Variants in IMMP2L observed in about 807,000 individuals in gnomAD.
IMMP2L encodes the protein mitochondrial inner membrane protease subunit 2.
Under a neutral mutation model 19.3 loss-of-function variants are expected in IMMP2L, and 18 were observed. The observed-to-expected ratio is 0.93, with a 90% CI of 0.64 to 1.38. The LOEUF (loss-of-function observed/expected upper bound fraction) is 1.38. Among genes scored for constraint, IMMP2L ranks in the 40% most tolerant of loss-of-function variants. The pLI is 0.00. For missense variants in IMMP2L, 233 were observed against 218.2 expected (o/e 1.07, Z -0.43); for synonymous variants, 76 against 73.0 (o/e 1.04, Z -0.21).
intron 3 of IMMP2L, among the ~76,000 whole-genome samples, chr7:111,162,699 G>T (rs1805398248): frequency 6.7e-6 from 1 of 150,132 alleles, no homozygotes; most frequent in African/African-American, 2.4e-5. Flanking sequence ...TTTCCAGCTA[G>T]AAGGTATGCT....
intron 3 of IMMP2L, among the ~76,000 whole-genome samples, chr7:111,448,735 ACAAAAAACCCTT>A (rs1360361848): frequency 1.8e-5 from 2 of 111,746 alleles, no homozygotes; most frequent in Non-Finnish European, 3.7e-5. Flanking sequence ...AAATAGAGAC[ACAAAAAACCCTT>A]CAAAAAATCA....
intron 3 of IMMP2L, among the ~76,000 whole-genome samples, chr7:111,322,231 G>C (rs1165622484): frequency 6.6e-6 from 1 of 151,796 alleles, no homozygotes; most frequent in African/African-American, 2.4e-5. Context: ...TGAATAAAAG[G>C]CTGGCCCCCA....
At chr7:111,517,893 T>C (rs957286797) in intron 2 of IMMP2L, among the ~76,000 whole-genome samples, 1 of 152,084 alleles carries the variant, frequency 6.6e-6, no homozygotes, top group Non-Finnish European at 1.5e-5. Context: ...AACCAACAAT[T>C]TGTGCCAGCA....
At chr7:110,765,918 G>A (rs896635701) in intron 5 of IMMP2L, among the ~76,000 whole-genome samples, 6 of 152,112 alleles carry the variant, frequency 3.9e-5, no homozygotes, top group Admixed American at 1.3e-4. Context: ...AGCTGTGTAA[G>A]TTTTGAGTGG....
chr7:111,154,733 T>G (rs1003470195), intron 3 of IMMP2L, among the ~76,000 whole-genome samples: 14 of 152,222 alleles, frequency 9.2e-5, no homozygotes, highest in African/African-American at 3.4e-4. Flanking sequence ...CATTGTACAT[T>G]AGTTCGGTTT....
chr7:111,059,431 A>G (rs1793809945), intron 3 of IMMP2L, among the ~76,000 whole-genome samples: 1 of 152,270 alleles, frequency 6.6e-6, no homozygotes, highest in Admixed American at 6.5e-5. Flanking sequence ...ACCTTTTCTG[A>G]TTGTTCTAGG....
rs189852289 is a variant in IMMP2L, at chr7:111,198,633, A to G, written c.240-235068T>C. Among the ~76,000 whole-genome samples, 156 of 152,326 alleles carry G rather than the reference A, an allele frequency of 1.0e-3. 1 individual carries two copies. The highest frequency in any genetic ancestry group is 3.5e-3 in the African/African-American group (147 of 41,568). On this transcript the variant is annotated intron_variant, in intron 3 of 5. Coordinates refer to ENST00000405709, the MANE Select transcript of IMMP2L (RefSeq NM_032549.4). The stretch of plus-strand genomic sequence containing the variant: ...TTCTGCTTTGATTCATGCTACTTCT[A>G]CAAATGATGCCTTTTTCCACCATAA...
chr7:110,807,512 G>A (rs558348565), intron 5 of IMMP2L, among the ~76,000 whole-genome samples: 33 of 151,892 alleles, frequency 2.2e-4, no homozygotes, highest in African/African-American at 7.7e-4. Flanking sequence ...CAAACACAAA[G>A]TCTAATTTTA....
intron 4 of IMMP2L, among the ~76,000 whole-genome samples, chr7:110,956,848 T>G (rs1434983585): frequency 6.6e-6 from 1 of 152,018 alleles, no homozygotes; most frequent in South Asian, 2.1e-4. Context: ...AATAAAAATG[T>G]TGATGCCTTA....
intron 4 of IMMP2L, among the ~76,000 whole-genome samples, chr7:110,912,456 C>T (rs1813154644): frequency 6.6e-6 from 1 of 151,830 alleles, no homozygotes; most frequent in African/African-American, 2.4e-5. Context: ...TGATGGATCT[C>T]AGACTGGAAA....
At chr7:111,403,263 A>ACTCT (rs368442127) in intron 3 of IMMP2L, among the ~76,000 whole-genome samples, 1 of 145,488 alleles carries the variant, frequency 6.9e-6, no homozygotes, top group Non-Finnish European at 1.5e-5. Flanking sequence ...CTCCCCCCTC[A>ACTCT]CTCTCTCTCT....
chr7:111,189,143 A>G (rs1221720206), intron 3 of IMMP2L, among the ~76,000 whole-genome samples: 1 of 152,138 alleles, frequency 6.6e-6, no homozygotes, highest in African/African-American at 2.4e-5. Context: ...TAATTCATGT[A>G]TACTTTTTAT....
rs114541571 is a variant in IMMP2L at position 110,859,709 on chromosome 7, A to C, written c.408+26884T>G. On this transcript the variant is annotated intron_variant, in intron 5 of 5. Transcript: ENST00000405709. ...AGTGAGCTGAGATTGTGCCACTGAA[A>C]CTGGCCTGGGTACCTGGGTGACAGA... Among the ~76,000 whole-genome samples, 1,499 of 151,426 alleles carry C rather than the reference A, an allele frequency of 9.9e-3. 37 individuals are homozygous for C. The highest frequency in any genetic ancestry group is 0.035 in the African/African-American group (1,435 of 41,236).
At chr7:111,205,428 A>G (rs931052265) in intron 3 of IMMP2L, among the ~76,000 whole-genome samples, 1 of 152,160 alleles carries the variant, frequency 6.6e-6, no homozygotes, top group African/African-American at 2.4e-5. Context: ...ACAGTTGTCC[A>G]AAGAACTTCT....
At chr7:111,311,115 A>G (rs553101211) in intron 3 of IMMP2L, among the ~76,000 whole-genome samples, 11 of 152,226 alleles carry the variant, frequency 7.2e-5, no homozygotes, top group African/African-American at 2.2e-4. Flanking sequence ...TTCTACCACA[A>G]TATCCTTCAT....
intron 5 of IMMP2L, among the ~76,000 whole-genome samples, chr7:110,738,763 T>G (rs530922721): frequency 1.3e-3 from 203 of 152,294 alleles, no homozygotes; most frequent in Non-Finnish European, 2.2e-3. Context: ...CCTAGGCACA[T>G]AGTCATCAGG....
intron 3 of IMMP2L, among the ~76,000 whole-genome samples, chr7:111,158,885 C>A (rs950367550): frequency 6.6e-6 from 1 of 152,048 alleles, no homozygotes; most frequent in African/African-American, 2.4e-5. Context: ...CCAATAGATG[C>A]TTTATGATTA....
chr7:111,366,738 AAAG>A (rs1216761201), intron 3 of IMMP2L, among the ~76,000 whole-genome samples: 1 of 152,026 alleles, frequency 6.6e-6, no homozygotes, highest in East Asian at 1.9e-4. Context: ...GATTCTAAAA[AAAG>A]AAGAATATAT....
intron 5 of IMMP2L, among the ~76,000 whole-genome samples, chr7:110,715,713 G>A (rs929031242): frequency 1.3e-5 from 2 of 151,836 alleles, no homozygotes; most frequent in African/African-American, 4.8e-5. Flanking sequence ...TGTAGATGAG[G>A]AGAATGTGTA....
Sources: allele counts gnomAD v4.1 joint callset (sites outside exome capture counted in the v4.1 genomes callset), GRCh38; gene constraint gnomAD v4.1.1; transcripts MANE v1.5; gene names NCBI Gene and HGNC (gene_info 2026-07-23, HGNC 2026-07-21).